NSUN4: variants seen among roughly 807,000 people sequenced by gnomAD.
NSUN4 encodes 5-cytosine rRNA methyltransferase NSUN4.
Under a neutral mutation model 43.8 loss-of-function variants are expected in NSUN4, and 31 were observed. The observed-to-expected ratio is 0.71, with a 90% CI of 0.53 to 0.96. NSUN4 has a LOEUF of 0.96. NSUN4 is among the 40% of genes least tolerant of loss of function. The probability of loss-of-function intolerance (pLI) is 0.00; values close to 1 mark genes in which losing one functional copy is unlikely to be tolerated. For synonymous variants in NSUN4, 167 were observed against 184.1 expected (o/e 0.91, Z 0.75); for missense variants, 439 against 475.6 (o/e 0.92, Z 0.72).
the NSUN4 span, among the ~76,000 whole-genome samples, chr1:46,377,238 CG>C: frequency 1.3e-4 from 19 of 151,494 alleles, no homozygotes; most frequent in East Asian, 3.7e-3. Flanking sequence ...TTAGTAGAGA[CG>C]GGGTTTCACC....
the NSUN4 span, among the ~76,000 whole-genome samples, chr1:46,375,026 ATT>A: frequency 1.1e-3 from 160 of 152,346 alleles, 2 homozygotes; most frequent in South Asian, 0.017. Context: ...TACAATTTTT[ATT>A]TGTCAGTTAA....
intron 1 of NSUN4, chr1:46,342,204 A>G (rs1005535956): frequency 6.8e-5 from 27 of 399,792 alleles, no homozygotes; most frequent in South Asian, 2.5e-4. Context: ...GAGAAGTTAT[A>G]ATGACCCCCT....
intron 1 of NSUN4, chr1:46,341,284 T>A: frequency 9.9e-7 from 1 of 1,005,348 alleles, no homozygotes. Flanking sequence ...TGCCCATTCT[T>A]CCCCCACATG....
chr1:46,348,805 A>C (rs972160054), intron 3 of NSUN4, among the ~76,000 whole-genome samples: 10 of 91,538 alleles, frequency 1.1e-4, no homozygotes, highest in South Asian at 3.8e-4. Flanking sequence ...GGCCTTGTGC[A>C]CTGTTTTTTT....
intron 5 of NSUN4, among the ~76,000 whole-genome samples, chr1:46,361,034 C>T (rs1663830596): frequency 6.6e-6 from 1 of 152,156 alleles, no homozygotes; most frequent in Non-Finnish European, 1.5e-5. Flanking sequence ...GTAGTCCCAG[C>T]TACTCAGGGG....
the NSUN4 span, among the ~76,000 whole-genome samples, chr1:46,378,152 A>G: frequency 1.3e-5 from 2 of 151,870 alleles, no homozygotes; most frequent in Non-Finnish European, 2.9e-5. Context: ...TCGGCCTCCC[A>G]AAGTGCTAGG....
intron 3 of NSUN4, among the ~76,000 whole-genome samples, chr1:46,348,858 A>C (rs1569745258): frequency 8.8e-6 from 1 of 113,664 alleles, no homozygotes; most frequent in Non-Finnish European, 1.7e-5. Context: ...TTTTCTACCC[A>C]AGCTGGAGTG....
chr1:46,368,297 A>G (rs1664181104), downstream of NSUN4, among the ~76,000 whole-genome samples: 1 of 152,110 alleles, frequency 6.6e-6, no homozygotes, highest in African/African-American at 2.4e-5. Flanking sequence ...TCCCAGTACA[A>G]TGTGACTTTG....
At chr1:46,371,586 G>A in the NSUN4 span, among the ~76,000 whole-genome samples, 4 of 152,118 alleles carry the variant, frequency 2.6e-5, no homozygotes, top group African/African-American at 7.2e-5. Context: ...GATTATGGGC[G>A]TGAGCCACCG....
intron 3 of NSUN4, among the ~76,000 whole-genome samples, chr1:46,348,709 C>CAAAA (rs34999763): frequency 5.8e-5 from 3 of 52,134 alleles, no homozygotes; most frequent in Non-Finnish European, 9.5e-5. Context: ...AACTCTGTCT[C>CAAAA]AAAAAAAAAA....
At chr1:46,347,687 A>G (rs185096526) in intron 3 of NSUN4, among the ~76,000 whole-genome samples, 72 of 152,122 alleles carry the variant, frequency 4.7e-4, no homozygotes, top group African/African-American at 1.7e-3. Context: ...TCTTTAGCCT[A>G]CCAACTAAAA....
chr1:46,349,722 G>T (rs531762942), intron 3 of NSUN4, among the ~76,000 whole-genome samples: 1 of 152,186 alleles, frequency 6.6e-6, no homozygotes, highest in Non-Finnish European at 1.5e-5. Context: ...TAGCCTTCTG[G>T]AAGTCCAGAG....
the NSUN4 span, among the ~76,000 whole-genome samples, chr1:46,385,077 A>G: frequency 5.9e-5 from 9 of 152,218 alleles, no homozygotes; most frequent in Non-Finnish European, 1.3e-4. Context: ...AAAGAAAGCC[A>G]AATACCATTT....
intron 1 of NSUN4, chr1:46,342,901 G>A (rs1662217161): frequency 5.0e-6 from 2 of 399,748 alleles, no homozygotes; most frequent in Non-Finnish European, 4.4e-6. Flanking sequence ...TGCCTCTCTG[G>A]TCCTTCTTGT....
At chr1:46,347,133 G>A in intron 3 of NSUN4, 58 bp downstream of exon 3, 1 of 1,561,718 alleles carries the variant, frequency 6.4e-7, no homozygotes, top group African/African-American at 1.4e-5. Context: ...CCTAGTCCCA[G>A]GTACATTTAA....
intron 4 of NSUN4, among the ~76,000 whole-genome samples, chr1:46,360,222 C>A (rs1480462621): frequency 2.1e-5 from 1 of 48,754 alleles, no homozygotes; most frequent in Non-Finnish European, 3.8e-5. Context: ...GAGCAAGACT[C>A]CATCTCAAAA....
downstream of NSUN4, among the ~76,000 whole-genome samples, chr1:46,368,672 G>T (rs1389812521): frequency 6.6e-6 from 1 of 152,172 alleles, no homozygotes; most frequent in Non-Finnish European, 1.5e-5. Flanking sequence ...TTTGGAAATG[G>T]TTAAGTAAAT....
downstream of NSUN4, among the ~76,000 whole-genome samples, chr1:46,369,935 A>G (rs1295392424): frequency 6.6e-6 from 1 of 152,226 alleles, no homozygotes; most frequent in Non-Finnish European, 1.5e-5. Context: ...AATTTACTGA[A>G]TGAGGAAGTT....
At chr1:46,354,609 T>C (rs1172182722) in intron 4 of NSUN4, among the ~76,000 whole-genome samples, 3 of 152,018 alleles carry the variant, frequency 2.0e-5, no homozygotes, top group African/African-American at 7.2e-5. Flanking sequence ...GAATCTTAGA[T>C]AGGCTTGAGA....
Sources: allele counts gnomAD v4.1 joint callset (sites outside exome capture counted in the v4.1 genomes callset), GRCh38; gene constraint gnomAD v4.1.1; transcripts MANE v1.5; gene names NCBI Gene and HGNC (gene_info 2026-07-23, HGNC 2026-07-21).